CFAP43: variants seen among roughly 807,000 people sequenced by gnomAD.
CFAP43 encodes the protein cilia and flagella associated protein 43.
Under a neutral mutation model 218.9 loss-of-function variants are expected in CFAP43, and 155 were observed. The observed-to-expected ratio is 0.71, with a 90% CI of 0.62 to 0.81. The LOEUF (loss-of-function observed/expected upper bound fraction) is 0.81, where lower values mean the gene tolerates loss of function less well. Ranked by LOEUF, CFAP43 falls within the 30% of genes least tolerant of loss-of-function variation. CFAP43 has a pLI of 0.00. For synonymous variants in CFAP43, 645 were observed against 681.3 expected (o/e 0.95, Z 0.83); for missense variants, 1,778 against 1,954.3 (o/e 0.91, Z 1.70).
intron 23 of CFAP43, among the ~76,000 whole-genome samples, chr10:104,165,633 T>C (rs939011140): frequency 2.6e-4 from 39 of 152,188 alleles, no homozygotes; most frequent in African/African-American, 8.2e-4. Flanking sequence ...TCACTGCCTT[T>C]TCAAAAACCT....
chr10:104,209,385 G>A (rs2090786449), intron 5 of CFAP43, among the ~76,000 whole-genome samples: 1 of 152,044 alleles, frequency 6.6e-6, no homozygotes, highest in Admixed American at 6.6e-5. Flanking sequence ...AATACACTGA[G>A]TGCACAAGTC....
chr10:104,203,384 A>C, intron 8 of CFAP43: 1 of 376,398 alleles, frequency 2.7e-6, no homozygotes, highest in Non-Finnish European at 4.7e-6. Context: ...AAATGGAGGC[A>C]GCAGAGAGGA....
chr10:104,195,455 T>C (rs190663261), intron 10 of CFAP43, among the ~76,000 whole-genome samples: 1 of 152,240 alleles, frequency 6.6e-6, no homozygotes, highest in Non-Finnish European at 1.5e-5. Flanking sequence ...TCACATAGAC[T>C]ATGGAGTCTT....
intron 33 of CFAP43, among the ~76,000 whole-genome samples, chr10:104,141,790 C>A (rs1047141240): frequency 6.6e-6 from 1 of 152,032 alleles, no homozygotes; most frequent in Non-Finnish European, 1.5e-5. Flanking sequence ...AATTTGGGAA[C>A]ATCAGAGAAG....
At chr10:104,207,952 T>C (rs1209751232) in intron 5 of CFAP43, 128 bp from the exon 6 acceptor site, 5 of 852,770 alleles carry the variant, frequency 5.9e-6, no homozygotes, top group African/African-American at 1.7e-5. Context: ...CATAGGAACA[T>C]TGAGCATTCA....
chr10:104,135,698 A>T (rs1407258543), intron 34 of CFAP43, among the ~76,000 whole-genome samples: 1 of 152,204 alleles, frequency 6.6e-6, no homozygotes, highest in Non-Finnish European at 1.5e-5. Flanking sequence ...GAAACCTACA[A>T]AATATTACTG....
chr10:104,192,355 G>A (rs936233876), intron 11 of CFAP43, 53 bp from the exon 12 acceptor site: 4 of 1,383,288 alleles, frequency 2.9e-6, no homozygotes, highest in African/African-American at 1.4e-5. Flanking sequence ...CCAGCTAGAT[G>A]GTGAACAAGT....
chr10:104,139,900 G>T (rs2087628859), intron 34 of CFAP43, among the ~76,000 whole-genome samples: 1 of 152,100 alleles, frequency 6.6e-6, no homozygotes, highest in Non-Finnish European at 1.5e-5. Context: ...ATAGCAATAT[G>T]TTTTGTGTTT....
intron 4 of CFAP43, among the ~76,000 whole-genome samples, chr10:104,213,376 C>A (rs897415685): frequency 6.6e-6 from 1 of 152,172 alleles, no homozygotes; most frequent in Non-Finnish European, 1.5e-5. Context: ...CTCAGTAGCA[C>A]CTTGAGTCTC....
At chr10:104,221,402 G>T (rs1052893105) in intron 3 of CFAP43, among the ~76,000 whole-genome samples, 4 of 152,144 alleles carry the variant, frequency 2.6e-5, no homozygotes, top group East Asian at 3.9e-4. Flanking sequence ...GACTTTTGGG[G>T]AGTGATCAGG....
At chr10:104,181,606 C>T (rs778453126) in intron 17 of CFAP43, among the ~76,000 whole-genome samples, 13 of 152,160 alleles carry the variant, frequency 8.5e-5, no homozygotes, top group East Asian at 1.9e-4. Context: ...AAGACCTCAC[C>T]TCCCACCACT....
intron 29 of CFAP43, 28 bp downstream of exon 29, chr10:104,147,863 G>A: frequency 6.7e-7 from 1 of 1,500,498 alleles, no homozygotes; most frequent in Non-Finnish European, 9.1e-7. Flanking sequence ...GAAAATGCTT[G>A]TATTCAGATT....
intron 10 of CFAP43, 31 bp from the exon 11 acceptor site, chr10:104,194,045 CTA>C: frequency 6.2e-7 from 1 of 1,607,508 alleles, no homozygotes; most frequent in East Asian, 2.2e-5. Context: ...ATGCGTATCT[CTA>C]TTGTGCCTGC....
At chr10:104,162,786 C>T (rs2088947433) in intron 24 of CFAP43, among the ~76,000 whole-genome samples, 1 of 150,894 alleles carries the variant, frequency 6.6e-6, no homozygotes. Context: ...CAGAATGGAG[C>T]CAGGTGGGAG....
rs548437578 is a variant in CFAP43, at chr10:104,147,887, T to G, written c.3768+4A>C. ...TGTATTCAGATTTCAGACACTATTCTTACTTTCTCGTGCTGTTTCCTTGTA... is the reference window on the plus strand; with the variant it reads ...TGTATTCAGATTTCAGACACTATTCGTACTTTCTCGTGCTGTTTCCTTGTA... On this transcript the variant is annotated splice_donor_region_variant and intron_variant, in intron 29 of 37. Transcript: ENST00000357060. 2.7e-5 allele frequency: 42 copies of G among 1,578,206 alleles called. No individual in the cohort carries two copies. Among genetic ancestry groups the G allele is most frequent in the Non-Finnish European group, 3.5e-5 (41 of 1,162,954 alleles).
Position 104,188,371 on chromosome 10 carries a change from A to C in CFAP43, c.1586T>G (p.Leu529Arg), listed in dbSNP as rs776628989. 1 of 1,614,140 alleles carries C rather than the reference A, an allele frequency of 6.2e-7. No individual in the cohort carries two copies. The highest frequency in any genetic ancestry group is 8.5e-7 in the Non-Finnish European group (1 of 1,180,010). Reference sequence around the variant, plus strand: ...CACTTCCACTATGTCTGTTTCTAAAAGAGACACTGTGGATATCTGTAAAAT... The same window carrying C: ...CACTTCCACTATGTCTGTTTCTAAACGAGACACTGTGGATATCTGTAAAAT... The part of the protein sequence containing the change: ...KDILQISTVS[L>R]LETDIVEVMV... Residue 529 changes from leucine (L) to arginine (R), a missense_variant, in exon 13 of 38, where the codon CTT (leucine) becomes CGT (arginine). Coordinates refer to ENST00000357060, the MANE Select transcript of CFAP43 (RefSeq NM_025145.7).
intron 17 of CFAP43, among the ~76,000 whole-genome samples, chr10:104,181,210 T>C (rs115749546): frequency 0.012 from 1,767 of 152,258 alleles, 27 homozygotes; most frequent in African/African-American, 0.037. Context: ...TACATAAATG[T>C]TCAAGTAAAA....
intron 3 of CFAP43, among the ~76,000 whole-genome samples, chr10:104,220,988 GTGTT>G (rs1301690061): frequency 3.0e-4 from 44 of 146,666 alleles, no homozygotes; most frequent in African/African-American, 1.0e-3. Flanking sequence ...GTGTGTGTGT[GTGTT>G]TGAGACGGAG....
Position 104,172,524 on chromosome 10 carries a change from C to A in CFAP43, c.2472G>T (p.Met824Ile), listed in dbSNP as rs754496679. 1 of 1,600,216 alleles carries A rather than the reference C, an allele frequency of 6.2e-7. No homozygotes were observed. Residue 824 changes from methionine to isoleucine, a missense_variant, in exon 20 of 38, where the codon ATG becomes ATT. Around this residue, in one of 3 missense-constraint regions of CFAP43, gnomAD observed 1,553 missense variants for 1,685.2 expected, o/e 0.92. Transcript: ENST00000357060. ...TTTCTAGTTTGTCATTTTCTTCCAT[C>A]ATATTCAGAATCTGAATGTTGAAAT... is the stretch of plus-strand genomic sequence containing the variant. ...IKSLSKTILN[M>I]MEENDKLENI... is the part of the protein sequence containing the mutation.
Sources: gnomAD v4.1 joint callset for allele counts (sites outside exome capture counted in the v4.1 genomes callset) on GRCh38, gnomAD v4.1.1 for gene constraint, gnomAD v4.1.1 regional missense constraint, MANE v1.5 for transcripts, NCBI Gene and HGNC (gene_info 2026-07-23, HGNC 2026-07-21) for gene names.